ISL2: variants seen among roughly 807,000 people sequenced by gnomAD.
ISL2 encodes the protein ISL LIM homeobox 2.
ISL2 carries 17 observed loss-of-function variants against 34.6 expected under a neutral mutation model. The ratio of observed to expected loss-of-function variants is 0.49; its 90% CI spans 0.34 to 0.74. The LOEUF (loss-of-function observed/expected upper bound fraction) is 0.74, where lower values mean the gene tolerates loss of function less well. ISL2 is among the 30% of genes least tolerant of loss of function. ISL2 has a pLI of 0.01. For missense variants in ISL2, 469 were observed against 515.2 expected (o/e 0.91, Z 0.87); for synonymous variants, 232 against 225.5 (o/e 1.03, Z -0.26).
chr15:76,337,775 C>A lies in ISL2; in HGVS notation c.59-3C>A. Reference sequence around the variant, plus strand: ...GACGCGGCCCCGCGCCCTTCCCCGGCAGAGAAGCCCGGGACGGCCATGTGC... The same window carrying A: ...GACGCGGCCCCGCGCCCTTCCCCGGAAGAGAAGCCCGGGACGGCCATGTGC... On this transcript the variant is annotated splice_polypyrimidine_tract_variant and splice_region_variant and intron_variant, in intron 1 of 5. Coordinates refer to ENST00000290759, the MANE Select transcript of ISL2 (RefSeq NM_145805.3). 1 of 1,582,038 alleles carries A rather than the reference C, an allele frequency of 6.3e-7. No homozygotes were observed.
At chr15:76,338,222 C>G (rs369968662) in intron 2 of ISL2, 30 bp from the exon 3 acceptor site, 181 of 1,524,392 alleles carry the variant, frequency 1.2e-4, no homozygotes, top group Admixed American at 8.6e-4. Context: ...GCAGGCCCAG[C>G]GCTGACACCG....
In ISL2 at chr15:76,341,930, C is replaced by T. The variant is rs2040197571; in HGVS notation, c.*95C>T. ...ATTCCAGTTCCGAAAGCTCTCTCGC[C>T]TTCGTAATTATTCTATTGTTATTTA... On this transcript the variant is annotated 3_prime_UTR_variant, in exon 6 of 6. Transcript: ENST00000290759. 3.7e-6 allele frequency: 3 copies of T among 818,544 alleles called. No homozygotes were observed. Among genetic ancestry groups the T allele is most frequent in the Middle Eastern group, 2.2e-4 (1 of 4,482 alleles). 50.7% of individuals were successfully genotyped at this position (818,544 alleles called of 1,614,324 possible).
At chr15:76,339,819 C>T (rs1488598110) in intron 3 of ISL2, 5 of 998,482 alleles carry the variant, frequency 5.0e-6, no homozygotes, top group Non-Finnish European at 6.0e-6. Context: ...CATATTCGCA[C>T]CTCCCACCCA....
chr15:76,340,616 G>C, intron 4 of ISL2, 57 bp downstream of exon 4: 7 of 1,534,108 alleles, frequency 4.6e-6, no homozygotes, highest in Non-Finnish European at 5.3e-6. Context: ...TTCCGCCGCG[G>C]TATCTGCGTG....
chr15:76,340,337 G>T lies in ISL2; in HGVS notation c.573G>T (p.Thr191=), dbSNP rs200011600. The change falls in exon 4 of 6, where the codon ACG becomes ACT. Residue 191 remains threonine (T), a synonymous_variant. Transcript: ENST00000290759. ...ACGTGCACAAGCAGACGGAGAAGAC[G>T]ACCCGCGTGCGGACTGTGCTGAACG... ...RPHVHKQTEK[T]TRVRTVLNEK... 5.0e-6 allele frequency: 8 copies of T among 1,612,318 alleles called. No homozygotes were observed. The highest frequency in any genetic ancestry group is 1.8e-4 in the Middle Eastern group (1 of 5,538).
rs1372177637 is a variant in ISL2, at chr15:76,341,767, G to T, written c.1012G>T (p.Val338Leu). Residue 338 changes from valine (V) to leucine (L), a missense_variant, in exon 6 of 6, where the codon GTG (valine) becomes TTG (leucine). Physicochemically the swap from Val to Leu is conservative, Grantham distance 32 (BLOSUM62 1). Coordinates refer to ENST00000290759, the MANE Select transcript of ISL2 (RefSeq NM_145805.3). ...CCTAGGCAACTCCTCCGGCAGCGAC[G>T]TGACCTCCCTGTCCTCGCAGCTCCC... ...GSLGNSSGSD[V>L]TSLSSQLPDT... The T allele has an allele frequency of 1.9e-6, 3 of 1,613,878 alleles. No homozygotes were observed. The highest frequency in any genetic ancestry group is 1.7e-5 in the Admixed American group (1 of 60,004).
At position 76,337,973 on chromosome 15, in the gene ISL2, G is replaced by T. The variant is rs1469311969; in HGVS notation, c.248+6G>T. On this transcript the variant is annotated splice_donor_region_variant and intron_variant, in intron 2 of 5. Coordinates refer to ENST00000290759, the MANE Select transcript of ISL2 (RefSeq NM_145805.3). ...TGCAAGCGGGACTATGTCAGGTGAGGCCGGCGGGAACGCGGGCTGGGCCAC... is the reference window on the plus strand; with the variant it reads ...TGCAAGCGGGACTATGTCAGGTGAGTCCGGCGGGAACGCGGGCTGGGCCAC... 6.4e-7 allele frequency: 1 copy of T among 1,555,552 alleles called. No individual in the cohort carries two copies. Among genetic ancestry groups the T allele is most frequent in the East Asian group, 2.6e-5 (1 of 39,110 alleles).
Position 76,338,359 on chromosome 15 carries a change from T to A in ISL2, c.356T>A (p.Val119Glu). 2 of 1,559,710 alleles carry A rather than the reference T, an allele frequency of 1.3e-6. No individual in the cohort carries two copies. The highest frequency in any genetic ancestry group is 1.7e-6 in the Non-Finnish European group (2 of 1,160,644). Residue 119 changes from valine (V) to glutamate (E), a missense_variant, in exon 3 of 6, where the codon GTG (valine) becomes GAG (glutamate). Transcript: ENST00000290759. ...CACATCGAGTGCTTCCGCTGCTCCG[T>A]GTGCAGCCGCCAGCTGCTGCCTGGG... The part of the protein sequence containing the change: ...VYHIECFRCS[V>E]CSRQLLPGDE...
chr15:76,340,696 TC>T, intron 4 of ISL2, 137 bp downstream of exon 4: 1 of 747,978 alleles, frequency 1.3e-6, no homozygotes, highest in Non-Finnish European at 2.1e-6. Flanking sequence ...GTCTGTACCT[TC>T]ACAGCAAGGC....
intron 2 of ISL2, 138 bp from the exon 3 acceptor site, chr15:76,338,114 C>G (rs2040166380): frequency 5.9e-6 from 8 of 1,354,038 alleles, no homozygotes; most frequent in Non-Finnish European, 7.7e-6. Context: ...CCCCCGGGCC[C>G]GGGAATGCCC....
chr15:76,340,661 G>A (rs2040186908), intron 4 of ISL2, 102 bp downstream of exon 4: 2 of 1,103,056 alleles, frequency 1.8e-6, no homozygotes, highest in South Asian at 3.0e-5. Flanking sequence ...GATCCAGGGA[G>A]AACTGGGCGC....
chr15:76,339,981 C>G, intron 3 of ISL2: 1 of 1,254,936 alleles, frequency 8.0e-7, no homozygotes, highest in Non-Finnish European at 1.0e-6. Context: ...GAGGCACATC[C>G]CTGAGCAGCC....
In ISL2 at chr15:76,340,027, G is replaced by T. The variant is rs1170820438; in HGVS notation, c.512-249G>T. 5 of 1,308,246 alleles carry T rather than the reference G, an allele frequency of 3.8e-6. No homozygotes were observed. In the African/African-American group the frequency reaches 6.1e-5, roughly 16 times the overall value. The allele number at this position is 1,308,246 out of a possible 1,614,324, so 81.0% of individuals were successfully genotyped here. A position where few individuals can be genotyped will look rare whatever the true frequency, so the allele number is the denominator to read the frequency against. ...CGCAGCGGCCTGTCGCCGAGCTCCC[G>T]CGCCCTGCTTGAGCTCGGGAGAGAT... On this transcript the variant is annotated intron_variant, in intron 3 of 5. Coordinates refer to ENST00000290759, the MANE Select transcript of ISL2 (RefSeq NM_145805.3).
chr15:76,341,229 C>T lies in ISL2; in HGVS notation c.891C>T (p.Tyr297=), dbSNP rs774996876. 6.2e-7 allele frequency: 1 copy of T among 1,611,884 alleles called. No individual in the cohort carries two copies. Among genetic ancestry groups the T allele is most frequent in the South Asian group, 1.1e-5 (1 of 90,716 alleles). The change falls in exon 5 of 6, where the codon TAC becomes TAT. Residue 297 remains tyrosine, a synonymous_variant. Coordinates refer to ENST00000290759, the MANE Select transcript of ISL2 (RefSeq NM_145805.3). ...GCAGCGCAGTGGAGGTGCAGACGTA[C>T]CAGCCGCCGTGGAAGGCGCTCAGCG... The part of the protein sequence containing the change: ...VQGSAVEVQT[Y]QPPWKALSEF...
At chr15:76,341,350 G>T in intron 5 of ISL2, 49 bp downstream of exon 5, 2 of 1,302,440 alleles carry the variant, frequency 1.5e-6, no homozygotes, top group South Asian at 1.3e-5. Flanking sequence ...GCGGGTTGGG[G>T]ATTTAGCCAC....
chr15:76,337,750 G>A, intron 1 of ISL2, 28 bp from the exon 2 acceptor site: 1 of 1,537,798 alleles, frequency 6.5e-7, no homozygotes, highest in South Asian at 1.2e-5. Context: ...AGTCAGGCCT[G>A]ACGCGGCCCC....
Position 76,336,926 on chromosome 15 carries a change from G to A in ISL2, c.43G>A (p.Gly15Ser), listed in dbSNP as rs749841412. 3 of 1,612,104 alleles carry A rather than the reference G, an allele frequency of 1.9e-6. No homozygotes were observed. In the South Asian group the frequency reaches 3.3e-5, roughly 18 times the overall value. ...TCATTATCCTTTTCTGGGTGCTATG[G>A]GTGATCATTCCAAGAGTAAGTATTT... The part of the protein sequence containing the change: ...IFHYPFLGAM[G>S]DHSKKKPGTA... The change falls in exon 1 of 6, where the codon GGT (glycine) becomes AGT (serine). Residue 15 changes from glycine (G) to serine (S), a missense_variant. Coordinates refer to ENST00000290759, the MANE Select transcript of ISL2 (RefSeq NM_145805.3).
In ISL2 at chr15:76,339,239, C is replaced by A. The variant is rs2040174823; in HGVS notation, c.511+725C>A. On this transcript the variant is annotated intron_variant, in intron 3 of 5. Coordinates refer to ENST00000290759, the MANE Select transcript of ISL2 (RefSeq NM_145805.3). Reference sequence around the variant, plus strand: ...CTGCAGCACAGATCCGTAGACCAGGCTGGGCCTCTGGGTGCTGTGTGGCCT... The same window carrying A: ...CTGCAGCACAGATCCGTAGACCAGGATGGGCCTCTGGGTGCTGTGTGGCCT... 43 of 985,428 alleles carry A rather than the reference C, an allele frequency of 4.4e-5. No homozygotes were observed. The South Asian group carries it at 1.8e-3, about 42-fold the overall frequency. 61.0% of individuals were successfully genotyped at this position (985,428 alleles called of 1,614,324 possible).
chr15:76,339,647 C>A, intron 3 of ISL2: 11 of 985,620 alleles, frequency 1.1e-5, no homozygotes, highest in Non-Finnish European at 1.2e-5. Flanking sequence ...GAACCTGGAG[C>A]CTTGAGGAAG....
Sources: allele counts gnomAD v4.1 joint callset, GRCh38; gene constraint gnomAD v4.1.1; transcripts MANE v1.5; gene names NCBI Gene and HGNC (gene_info 2026-07-23, HGNC 2026-07-21).